Variants in HNRNPLL observed in about 807,000 individuals in gnomAD.
HNRNPLL encodes the protein heterogeneous nuclear ribonucleoprotein L-like.
Under a neutral mutation model 67.1 loss-of-function variants are expected in HNRNPLL, and 25 were observed. The ratio of observed to expected loss-of-function variants is 0.37; its 90% confidence interval spans 0.27 to 0.52. HNRNPLL has a LOEUF of 0.52. HNRNPLL is among the 20% of genes least tolerant of loss of function. The probability of loss-of-function intolerance (pLI) is 0.90; values close to 1 mark genes in which losing one functional copy is unlikely to be tolerated. For synonymous variants in HNRNPLL, 267 were observed against 241.7 expected (o/e 1.10, Z -0.97); for missense variants, 542 against 673.9 (o/e 0.80, Z 2.17).
intron 7 of HNRNPLL, among the ~76,000 whole-genome samples, chr2:38,576,720 T>A (rs1007670523): frequency 6.6e-6 from 1 of 151,864 alleles, no homozygotes; most frequent in Non-Finnish European, 1.5e-5. Context: ...GACTACAATA[T>A]AGCAATTTCT....
rs563628245 is a variant in HNRNPLL at position 38,562,337 on chromosome 2, C to A, written c.*1845G>T. ...TCACTTATTTTGGTGGAGAGAGAGCCTTACAGATAAAAATCATTTCTACAC... is the reference window on the plus strand; with the variant it reads ...TCACTTATTTTGGTGGAGAGAGAGCATTACAGATAAAAATCATTTCTACAC... On this transcript the variant is annotated 3_prime_UTR_variant, in exon 13 of 13. Coordinates refer to ENST00000449105, the MANE Select transcript of HNRNPLL (RefSeq NM_138394.4). 1.3e-5 allele frequency: 2 copies of A among 152,032 alleles called. No homozygotes were observed. Among genetic ancestry groups the A allele is most frequent in the Non-Finnish European group, 2.9e-5 (2 of 67,980 alleles). The allele number at this position is 152,032 out of a possible 1,614,324, so 9.4% of individuals were successfully genotyped here. A position where few individuals can be genotyped will look rare whatever the true frequency, so the allele number is the denominator to read the frequency against.
chr2:38,593,521 G>T (rs1024243543), intron 1 of HNRNPLL, among the ~76,000 whole-genome samples: 6 of 152,168 alleles, frequency 3.9e-5, no homozygotes, highest in African/African-American at 1.4e-4. Context: ...AAACTGTATT[G>T]GCCTGAACTC....
chr2:38,593,380 T>C (rs6544170), intron 1 of HNRNPLL, among the ~76,000 whole-genome samples: 26,609 of 152,192 alleles, frequency 0.17, 2,695 homozygotes, highest in African/African-American at 0.27. Flanking sequence ...AAACACAGCA[T>C]GTATTTAAAG....
rs1465617232 is a variant in HNRNPLL, at chr2:38,581,974, T to C, written c.741A>G (p.Leu247=). The part of the protein sequence containing the change: ...LKIEYARPTR[L]NVIRNDNDSW... ...TGTCATTGTCATTCCTAATAACATT[T>C]AGACGAGTTGGCTGTTAAGATTGAA... Residue 247 remains leucine (L), a synonymous_variant, in exon 6 of 13, where the codon CTA becomes CTG. Coordinates refer to ENST00000449105, the MANE Select transcript of HNRNPLL (RefSeq NM_138394.4). 2 of 1,611,746 alleles carry C rather than the reference T, an allele frequency of 1.2e-6. No individual in the cohort carries two copies. The highest frequency in any genetic ancestry group is 2.7e-5 in the African/African-American group (2 of 74,890).
At chr2:38,595,272 TAAAAAAAAA>T (rs70954734) in intron 1 of HNRNPLL, among the ~76,000 whole-genome samples, 5 of 68,772 alleles carry the variant, frequency 7.3e-5, no homozygotes, top group African/African-American at 2.0e-4. Context: ...AGACCTTGTC[TAAAAAAAAA>T]AAAAAAAAAA....
intron 8 of HNRNPLL, among the ~76,000 whole-genome samples, chr2:38,571,346 CAGTG>C (rs112508462): frequency 0.015 from 2,256 of 152,272 alleles, 26 homozygotes; most frequent in South Asian, 0.066. Flanking sequence ...GAGCAGTTAA[CAGTG>C]AGTAACTGAA....
At chr2:38,567,950 A>C in intron 12 of HNRNPLL, 1 of 337,536 alleles carries the variant, frequency 3.0e-6, no homozygotes, top group South Asian at 4.3e-5. Context: ...CCCAGCTGAA[A>C]TGCACCCAAA....
intron 12 of HNRNPLL, among the ~76,000 whole-genome samples, chr2:38,564,700 T>G (rs75553884): frequency 0.014 from 2,050 of 151,728 alleles, 26 homozygotes; most frequent in South Asian, 0.07. Context: ...GGTAAGCTCA[T>G]GAAGGCAGGG....
chr2:38,585,484 G>T (rs1054315492), intron 3 of HNRNPLL, among the ~76,000 whole-genome samples, 160 bp downstream of exon 3: 11 of 152,016 alleles, frequency 7.2e-5, no homozygotes, highest in African/African-American at 2.7e-4. Flanking sequence ...ACAGTGCTCA[G>T]CATTTTTTCT....
chr2:38,573,211 T>G lies in HNRNPLL; in HGVS notation c.1091A>C (p.Lys364Thr), dbSNP rs1358384619. The change falls in exon 8 of 13, where the codon AAG becomes ACG. Residue 364 changes from lysine to threonine, a missense_variant and splice_region_variant. Lys to Thr is a moderately conservative substitution (Grantham distance 78). Coordinates refer to ENST00000449105, the MANE Select transcript of HNRNPLL (RefSeq NM_138394.4). ...AAACCAATATAAAGAGAAACTTACC[T>G]TCTCAATATTTCCATATAAGCAGAA... The part of the protein sequence containing the change: ...NLFCLYGNIE[K>T]VKFMKTIPGT... 6.3e-7 allele frequency: 1 copy of G among 1,581,496 alleles called. No homozygotes were observed. Among genetic ancestry groups the G allele is most frequent in the Non-Finnish European group, 8.6e-7 (1 of 1,165,022 alleles).
chr2:38,588,546 C>CAAAAAAAAAAAAAAAAAAAA (rs70954733), intron 2 of HNRNPLL, among the ~76,000 whole-genome samples: 2 of 51,008 alleles, frequency 3.9e-5, no homozygotes, highest in African/African-American at 1.1e-4. Flanking sequence ...AACTCCATCT[C>CAAAAAAAAAAAAAAAAAAAA]AAAAAAAAAA....
chr2:38,576,531 C>T (rs186047118), intron 7 of HNRNPLL, among the ~76,000 whole-genome samples: 1 of 151,432 alleles, frequency 6.6e-6, no homozygotes, highest in East Asian at 1.9e-4. Flanking sequence ...GACTATGGAA[C>T]CTTGAAGACA....
chr2:38,592,639 T>C (rs1198092791), intron 1 of HNRNPLL, among the ~76,000 whole-genome samples: 1 of 152,246 alleles, frequency 6.6e-6, no homozygotes, highest in Non-Finnish European at 1.5e-5. Flanking sequence ...GTCTTAAAGT[T>C]TATTTTTAAA....
intron 5 of HNRNPLL, 26 bp downstream of exon 5, chr2:38,582,046 G>A (rs373040866): frequency 3.8e-6 from 6 of 1,599,466 alleles, no homozygotes; most frequent in Non-Finnish European, 4.3e-6. Context: ...ATATTTCTTG[G>A]GTAGGGTGTT....
chr2:38,575,989 A>T (rs1573730366), intron 7 of HNRNPLL, among the ~76,000 whole-genome samples: 1 of 151,734 alleles, frequency 6.6e-6, no homozygotes, highest in African/African-American at 2.4e-5. Context: ...CAGAATGGAT[A>T]CCCCCCTACA....
chr2:38,581,643 C>T (rs1666532584), intron 6 of HNRNPLL: 1 of 510,386 alleles, frequency 2.0e-6, no homozygotes, highest in Non-Finnish European at 3.4e-6. Flanking sequence ...AGAGAGAGAG[C>T]TGCTTGGAGA....
intron 2 of HNRNPLL, among the ~76,000 whole-genome samples, 196 bp from the exon 3 acceptor site, chr2:38,586,077 A>C (rs2148366456): frequency 6.6e-6 from 1 of 151,048 alleles, no homozygotes; most frequent in Admixed American, 6.6e-5. Context: ...GCTGGAGTGC[A>C]GTGGCGCAAT....
intron 2 of HNRNPLL, among the ~76,000 whole-genome samples, chr2:38,586,921 A>T (rs1666757674): frequency 6.6e-6 from 1 of 152,226 alleles, no homozygotes; most frequent in African/African-American, 2.4e-5. Flanking sequence ...AATTAAAAAG[A>T]TATATTTTAA....
intron 7 of HNRNPLL, among the ~76,000 whole-genome samples, chr2:38,574,649 T>C (rs1364770338): frequency 6.6e-6 from 1 of 151,834 alleles, no homozygotes; most frequent in Non-Finnish European, 1.5e-5. Context: ...CTGCCATTCA[T>C]AACAACACAG....
Sources: gnomAD v4.1 joint callset for allele counts (sites outside exome capture counted in the v4.1 genomes callset) on GRCh38, gnomAD v4.1.1 for gene constraint, MANE v1.5 for transcripts, NCBI Gene and HGNC (gene_info 2026-07-23, HGNC 2026-07-21) for gene names.